CCDC85A: variants seen among roughly 807,000 people sequenced by gnomAD.
The protein encoded by CCDC85A is coiled-coil domain-containing protein 85A.
In CCDC85A, 38 loss-of-function variants were observed where a neutral mutation model predicts 50.2. That is an observed-to-expected ratio of 0.76 (90% CI 0.58 to 0.99). The LOEUF is 0.99. CCDC85A is among the 50% of genes least tolerant of loss of function. The pLI is 0.00. For synonymous variants in CCDC85A, 366 were observed against 301.4 expected (o/e 1.21, Z -2.22); for missense variants, 820 against 742.0 (o/e 1.11, Z -1.22).
intron 3 of CCDC85A, among the ~76,000 whole-genome samples, chr2:56,344,342 A>G (rs1194853287): frequency 6.6e-6 from 1 of 152,192 alleles, no homozygotes; most frequent in Non-Finnish European, 1.5e-5. Context: ...CCATTAAGTG[A>G]CTAACAGGCA....
intron 1 of CCDC85A, among the ~76,000 whole-genome samples, chr2:56,191,433 G>A (rs1197819781): frequency 1.3e-5 from 2 of 152,178 alleles, no homozygotes; most frequent in Non-Finnish European, 2.9e-5. Context: ...TCATGCAGGA[G>A]AAGTAGGCAG....
At chr2:56,308,558 A>G (rs1026699294) in intron 2 of CCDC85A, among the ~76,000 whole-genome samples, 1 of 152,162 alleles carries the variant, frequency 6.6e-6, no homozygotes, top group African/African-American at 2.4e-5. Flanking sequence ...CACAATTTCT[A>G]TGAACTTTGG....
Position 56,385,206 on chromosome 2 carries a change from C to G in CCDC85A, c.*851C>G, listed in dbSNP as rs1377206410. On this transcript the variant is annotated 3_prime_UTR_variant, in exon 6 of 6. Coordinates refer to ENST00000407595, the MANE Select transcript of CCDC85A (RefSeq NM_001080433.2). Reference sequence around the variant, plus strand: ...CTAAGTGTTTCGAGCTGTGAGATGTCAATTTCTACAATTTAGTTTCTAGAC... The same window carrying G: ...CTAAGTGTTTCGAGCTGTGAGATGTGAATTTCTACAATTTAGTTTCTAGAC... 6.6e-6 allele frequency: 1 copy of G among 152,176 alleles called. No individual in the cohort carries two copies. Among genetic ancestry groups the G allele is most frequent in the Non-Finnish European group, 1.5e-5 (1 of 67,828 alleles). 9.4% of individuals were successfully genotyped at this position (152,176 alleles called of 1,614,324 possible). A position where few individuals can be genotyped will look rare whatever the true frequency, so the allele number is the denominator to read the frequency against.
intron 3 of CCDC85A, among the ~76,000 whole-genome samples, chr2:56,351,764 A>G (rs1388551710): frequency 1.3e-5 from 2 of 150,950 alleles, no homozygotes; most frequent in Non-Finnish European, 1.5e-5. Context: ...CCTTTGTCAG[A>G]TGAGTAGGTT....
chr2:56,210,497 C>G (rs112230126), intron 2 of CCDC85A, among the ~76,000 whole-genome samples: 1 of 152,102 alleles, frequency 6.6e-6, no homozygotes, highest in African/African-American at 2.4e-5. Context: ...GATTAGGTGG[C>G]TCAGGAATTT....
chr2:56,373,152 A>G (rs1397205815), intron 4 of CCDC85A, among the ~76,000 whole-genome samples: 1 of 152,192 alleles, frequency 6.6e-6, no homozygotes, highest in Non-Finnish European at 1.5e-5. Flanking sequence ...AAATTATTTA[A>G]CATCTGTTGG....
intron 3 of CCDC85A, among the ~76,000 whole-genome samples, chr2:56,366,067 C>T (rs933287309): frequency 2.6e-5 from 4 of 152,120 alleles, no homozygotes; most frequent in Non-Finnish European, 4.4e-5. Flanking sequence ...GGTTCATCCA[C>T]GTTGTGACAA....
intron 3 of CCDC85A, among the ~76,000 whole-genome samples, chr2:56,364,169 T>G (rs984386218): frequency 6.6e-6 from 1 of 152,182 alleles, no homozygotes; most frequent in Non-Finnish European, 1.5e-5. Flanking sequence ...AGGCCTTCAA[T>G]GTTATTCTTT....
chr2:56,197,006 T>G (rs1329257644), intron 2 of CCDC85A, among the ~76,000 whole-genome samples: 1 of 152,142 alleles, frequency 6.6e-6, no homozygotes, highest in Non-Finnish European at 1.5e-5. Context: ...CTCCAGCCAA[T>G]GAGAGCAAGC....
chr2:56,270,244 G>A (rs1351681285), intron 2 of CCDC85A, among the ~76,000 whole-genome samples: 2 of 152,040 alleles, frequency 1.3e-5, no homozygotes, highest in African/African-American at 4.8e-5. Flanking sequence ...GGAAAAATTA[G>A]CATTAATTTA....
At chr2:56,383,369 G>T (rs1295357283) in intron 5 of CCDC85A, among the ~76,000 whole-genome samples, 3 of 151,952 alleles carry the variant, frequency 2.0e-5, no homozygotes, top group Non-Finnish European at 4.4e-5. Context: ...AAATAGTCTG[G>T]GAGGGTATGG....
intron 1 of CCDC85A, among the ~76,000 whole-genome samples, chr2:56,191,870 ATC>A (rs1676308610): frequency 6.6e-6 from 1 of 152,208 alleles, no homozygotes; most frequent in Non-Finnish European, 1.5e-5. Context: ...AGGGCTGAAG[ATC>A]TAAGCAGTGC....
chr2:56,375,171 G>A (rs1676272838), intron 4 of CCDC85A, among the ~76,000 whole-genome samples: 1 of 152,126 alleles, frequency 6.6e-6, no homozygotes, highest in Non-Finnish European at 1.5e-5. Context: ...AATGTGGCCT[G>A]CACATGTCAA....
chr2:56,380,982 C>A (rs72803080), intron 5 of CCDC85A, among the ~76,000 whole-genome samples: 16 of 152,092 alleles, frequency 1.1e-4, no homozygotes, highest in African/African-American at 3.9e-4. Flanking sequence ...TCTATTAGGA[C>A]CAGATATTCT....
intron 2 of CCDC85A, among the ~76,000 whole-genome samples, chr2:56,207,960 TTAGA>T (rs1447626354): frequency 6.6e-6 from 1 of 152,158 alleles, no homozygotes; most frequent in African/African-American, 2.4e-5. Context: ...ATTGGCTTAA[TTAGA>T]TAAAGGTGAC....
intron 2 of CCDC85A, among the ~76,000 whole-genome samples, chr2:56,301,539 A>G (rs371570183): frequency 1.3e-5 from 2 of 152,206 alleles, no homozygotes; most frequent in Admixed American, 1.3e-4. Context: ...TTTTGATAAC[A>G]TGATTAATAC....
At chr2:56,357,528 G>A (rs1056411373) in intron 3 of CCDC85A, among the ~76,000 whole-genome samples, 1 of 151,912 alleles carries the variant, frequency 6.6e-6, no homozygotes. Context: ...TATTTTAGAT[G>A]TATCTTTTGT....
chr2:56,293,686 C>A (rs1281845856), intron 2 of CCDC85A, among the ~76,000 whole-genome samples: 1 of 152,058 alleles, frequency 6.6e-6, no homozygotes, highest in African/African-American at 2.4e-5. Flanking sequence ...TATATGCAAC[C>A]AACAAACACA....
intron 1 of CCDC85A, among the ~76,000 whole-genome samples, chr2:56,189,295 GTGTT>G (rs1676192110): frequency 1.0e-5 from 1 of 100,444 alleles, no homozygotes; most frequent in Non-Finnish European, 2.0e-5. Context: ...GGTATTTTTG[GTGTT>G]TTTTTTTTTT....
Sources: gnomAD v4.1 joint callset for allele counts (sites outside exome capture counted in the v4.1 genomes callset) on GRCh38, gnomAD v4.1.1 for gene constraint, MANE v1.5 for transcripts, NCBI Gene and HGNC (gene_info 2026-07-23, HGNC 2026-07-21) for gene names.